The following VIT variants were observed in gnomAD, a reference collection of about 807,000 sequenced individuals.
VIT encodes vitrin.
Under a neutral mutation model 78.0 loss-of-function variants are expected in VIT, and 99 were observed. The ratio of observed to expected loss-of-function variants is 1.27; its 90% confidence interval spans 1.08 to 1.50. The LOEUF (loss-of-function observed/expected upper bound fraction) is 1.50, where lower values mean the gene tolerates loss of function less well. Among genes scored for constraint, VIT ranks in the 40% most tolerant of loss-of-function variants. The pLI, the probability that VIT is intolerant of heterozygous loss-of-function variation, is 0.00. For missense variants in VIT, 1,126 were observed against 875.3 expected (o/e 1.29, Z -3.61); for synonymous variants, 374 against 334.3 (o/e 1.12, Z -1.29).
chr2:36,710,537 A>T (rs1665737623), intron 1 of VIT, among the ~76,000 whole-genome samples: 1 of 152,100 alleles, frequency 6.6e-6, no homozygotes, highest in Non-Finnish European at 1.5e-5. Flanking sequence ...TTCTGCCCTT[A>T]TGTCTCCAGG....
chr2:36,721,346 G>A (rs531293987), intron 2 of VIT, among the ~76,000 whole-genome samples: 3 of 152,174 alleles, frequency 2.0e-5, no homozygotes, highest in African/African-American at 7.2e-5. Context: ...CGTTCACATA[G>A]TCCCCTCTCC....
intron 12 of VIT, among the ~76,000 whole-genome samples, chr2:36,792,727 G>A (rs746149841): frequency 1.3e-5 from 2 of 152,072 alleles, no homozygotes. Context: ...ATATTCTCAT[G>A]GGCCTGTGCT....
At chr2:36,796,410 C>T (rs967798051) in intron 12 of VIT, among the ~76,000 whole-genome samples, 3 of 152,174 alleles carry the variant, frequency 2.0e-5, no homozygotes, top group African/African-American at 7.2e-5. Context: ...TCAGTACTTG[C>T]TAATTCAGTG....
chr2:36,741,070 T>C (rs1420471382), intron 3 of VIT, among the ~76,000 whole-genome samples: 6 of 152,132 alleles, frequency 3.9e-5, no homozygotes, highest in African/African-American at 1.2e-4. Context: ...AAAGAAGAAA[T>C]CTTTCATTTT....
At position 36,767,129 on chromosome 2, in the gene VIT, C is replaced by G; in HGVS notation, c.523C>G (p.Pro175Ala). 1 of 1,605,976 alleles carries G rather than the reference C, an allele frequency of 6.2e-7. No individual in the cohort carries two copies. The highest frequency in any genetic ancestry group is 1.3e-5 in the African/African-American group (1 of 74,720). ...TTKAYQRPPI[P>A]GTTAQPVTLM... is the part of the protein sequence containing the mutation. The stretch of plus-strand genomic sequence containing the variant: ...AAAAGCCTATCAGAGGCCACCTATT[C>G]CAGGGACAACTGCACAGCCGGTCAC... The change falls in exon 7 of 16, where the codon CCA becomes GCA. Residue 175 changes from proline (P) to alanine (A), a missense_variant. Transcript: ENST00000379242.
chr2:36,787,117 T>C lies in VIT; in HGVS notation c.911-12T>C. Reference sequence around the variant, plus strand: ...GATCATGAGAATAATAGAGTCTTTTTCCGTTCCGCAGACTGCAAAATTGAC... The same window carrying C: ...GATCATGAGAATAATAGAGTCTTTTCCCGTTCCGCAGACTGCAAAATTGAC... On this transcript the variant is annotated splice_polypyrimidine_tract_variant and intron_variant, in intron 11 of 15. Transcript: ENST00000379242. 1 of 1,614,132 alleles carries C rather than the reference T, an allele frequency of 6.2e-7. No individual in the cohort carries two copies. The highest frequency in any genetic ancestry group is 8.5e-7 in the Non-Finnish European group (1 of 1,180,014).
At chr2:36,701,734 A>G (rs1028755240) in intron 1 of VIT, among the ~76,000 whole-genome samples, 2 of 152,224 alleles carry the variant, frequency 1.3e-5, no homozygotes, top group African/African-American at 2.4e-5. Context: ...TTTTTGTTCC[A>G]GACAGAGAAA....
intron 7 of VIT, among the ~76,000 whole-genome samples, chr2:36,769,660 T>A (rs1272249758): frequency 6.6e-6 from 1 of 152,224 alleles, no homozygotes; most frequent in Non-Finnish European, 1.5e-5. Context: ...ATTGCTTATG[T>A]CTTCTTAAAA....
chr2:36,812,066 C>T (rs1667212881), intron 15 of VIT, among the ~76,000 whole-genome samples: 1 of 152,202 alleles, frequency 6.6e-6, no homozygotes, highest in South Asian at 2.1e-4. Flanking sequence ...ACTGTCTAAA[C>T]CCAGCTCTGC....
intron 2 of VIT, among the ~76,000 whole-genome samples, chr2:36,724,492 T>A (rs902496111): frequency 1.3e-5 from 2 of 152,138 alleles, no homozygotes; most frequent in African/African-American, 4.8e-5. Context: ...CTTCCCCAAC[T>A]TCAACATGCA....
intron 8 of VIT, chr2:36,774,403 A>C (rs1320522731): frequency 1.3e-6 from 1 of 748,316 alleles, no homozygotes; most frequent in Non-Finnish European, 1.6e-6. Flanking sequence ...CAGAGATTAG[A>C]AAGGAAAATC....
rs200598704 is a variant in VIT at position 36,808,868 on chromosome 2, G to C, written c.1786G>C (p.Ala596Pro). The C allele has an allele frequency of 1.9e-6, 3 of 1,614,122 alleles. No homozygotes were observed. The South Asian group carries it at 3.3e-5, about 18-fold the overall frequency. Residue 596 changes from alanine to proline, a missense_variant, in exon 15 of 16, where the codon GCC (alanine) becomes CCC (proline). By Grantham distance (27) the Ala-to-Pro change is conservative. Transcript: ENST00000379242. The part of the protein sequence containing the change: ...GTSTGAAINF[A>P]LEQLFKKSKP... ...CAGCACGGGGGCTGCCATCAACTTCGCCCTGGAGCAGCTCTTCAAGAAGTC... is the reference window on the plus strand; with the variant it reads ...CAGCACGGGGGCTGCCATCAACTTCCCCCTGGAGCAGCTCTTCAAGAAGTC...
chr2:36,814,598 G>T lies in VIT; in HGVS notation c.*237G>T. On this transcript the variant is annotated 3_prime_UTR_variant, in exon 16 of 16. Transcript: ENST00000379242. ...GCTACATCATGTTGAGGGTGCTGGA[G>T]ATTTTACATTTTGACAATTGTTTTC... is the stretch of plus-strand genomic sequence containing the variant. 1 of 495,916 alleles carries T rather than the reference G, an allele frequency of 2.0e-6. No individual in the cohort carries two copies. The highest frequency in any genetic ancestry group is 3.5e-6 in the Non-Finnish European group (1 of 288,104). 30.7% of individuals were successfully genotyped at this position (495,916 alleles called of 1,614,324 possible).
At chr2:36,804,784 T>C (rs1254458066) in intron 13 of VIT, among the ~76,000 whole-genome samples, 1 of 151,514 alleles carries the variant, frequency 6.6e-6, no homozygotes, top group Non-Finnish European at 1.5e-5. Flanking sequence ...GAGTCGAGAT[T>C]GTGCCACTGC....
intron 6 of VIT, among the ~76,000 whole-genome samples, chr2:36,763,352 G>A (rs1421950144): frequency 1.3e-5 from 2 of 152,198 alleles, no homozygotes; most frequent in African/African-American, 4.8e-5. Flanking sequence ...AGGAATATGT[G>A]TAGAGTTTAA....
chr2:36,725,725 C>G (rs1056028644), intron 2 of VIT, among the ~76,000 whole-genome samples: 14 of 152,054 alleles, frequency 9.2e-5, no homozygotes, highest in Admixed American at 4.6e-4. Flanking sequence ...ATTGCCAATC[C>G]AAGAACTCCT....
chr2:36,814,459 G>C lies in VIT; in HGVS notation c.*98G>C. 7.1e-7 allele frequency: 1 copy of C among 1,410,060 alleles called. No homozygotes were observed. Among genetic ancestry groups the C allele is most frequent in the Non-Finnish European group, 9.6e-7 (1 of 1,040,670 alleles). The allele number at this position is 1,410,060 out of a possible 1,614,324, so 87.3% of individuals were successfully genotyped here. On this transcript the variant is annotated 3_prime_UTR_variant, in exon 16 of 16. Transcript: ENST00000379242. The stretch of plus-strand genomic sequence containing the variant: ...GGGCACGCACGGTGCATCAAGTCTT[G>C]GGCAGGGCATGGAGAAACAAATGTC...
intron 14 of VIT, among the ~76,000 whole-genome samples, chr2:36,806,420 A>G (rs552750111): frequency 6.6e-5 from 10 of 152,186 alleles, no homozygotes; most frequent in South Asian, 2.1e-4. Flanking sequence ...AGGATGCTGT[A>G]TGGCTCTTAT....
chr2:36,723,306 C>T (rs1335451771), intron 2 of VIT, among the ~76,000 whole-genome samples: 1 of 152,064 alleles, frequency 6.6e-6, no homozygotes, highest in African/African-American at 2.4e-5. Flanking sequence ...TTTGTCTATA[C>T]CTCTGATTAT....
Sources: gnomAD v4.1 joint callset for allele counts (sites outside exome capture counted in the v4.1 genomes callset) on GRCh38, gnomAD v4.1.1 for gene constraint, MANE v1.5 for transcripts, NCBI Gene and HGNC (gene_info 2026-07-23, HGNC 2026-07-21) for gene names.